The following SLC2A5 variants were observed in gnomAD, a reference collection of about 807,000 sequenced individuals.
SLC2A5 encodes solute carrier family 2 member 5, also known as solute carrier family 2, facilitated glucose transporter member 5.
In SLC2A5, 56 loss-of-function variants were observed where a neutral mutation model predicts 50.3. The observed-to-expected ratio is 1.11, with a 90% CI of 0.90 to 1.39. SLC2A5 has a LOEUF of 1.39. SLC2A5 is among the 40% of genes most tolerant of loss of function. The pLI is 0.00. For missense variants in SLC2A5, 566 were observed against 650.1 expected (o/e 0.87, Z 1.41); for synonymous variants, 269 against 281.9 (o/e 0.95, Z 0.46).
intron 2 of SLC2A5, chr1:9,082,927 A>G: frequency 4.5e-6 from 1 of 223,590 alleles, no homozygotes; most frequent in South Asian, 4.6e-5. Context: ...GGCTGGGGGC[A>G]GGGGGAATGA....
At position 9,037,240 on chromosome 1, in the gene SLC2A5, G is replaced by A; in HGVS notation, c.*346C>T. On this transcript the variant is annotated 3_prime_UTR_variant, in exon 12 of 12. Transcript: ENST00000377424. ...TGATTCCTTCCATCTCACCACTATA[G>A]TAACTGTTGTTGTTATGTTACCAGG... 1 of 291,650 alleles carries A rather than the reference G, an allele frequency of 3.4e-6. No individual in the cohort carries two copies. 18.1% of individuals were successfully genotyped at this position (291,650 alleles called of 1,614,324 possible).
At chr1:9,051,469 C>T (rs1279940017) in intron 3 of SLC2A5, among the ~76,000 whole-genome samples, 2 of 152,066 alleles carry the variant, frequency 1.3e-5, no homozygotes, top group Non-Finnish European at 2.9e-5. Context: ...AAACAAACAA[C>T]CCAATTTAAA....
intron 3 of SLC2A5, chr1:9,049,260 T>G (rs1641511713): frequency 2.2e-6 from 1 of 451,052 alleles, no homozygotes; most frequent in Non-Finnish European, 4.5e-6. Flanking sequence ...CCGCTTATAC[T>G]AACAGCACAC....
At chr1:9,055,692 G>T (rs1486889647) in intron 3 of SLC2A5, among the ~76,000 whole-genome samples, 1 of 151,756 alleles carries the variant, frequency 6.6e-6, no homozygotes, top group Non-Finnish European at 1.5e-5. Context: ...GAGGTGGGTG[G>T]ATCACTTGAC....
rs1641158965 is a variant in SLC2A5 at position 9,037,369 on chromosome 1, T to C, written c.*217A>G. ...ACCAGCTGTTTAATTGACTCGGGTC[T>C]GGTGACAGGCCAACATGGAGAGAGA... On this transcript the variant is annotated 3_prime_UTR_variant, in exon 12 of 12. Transcript: ENST00000377424. 2 of 546,160 alleles carry C rather than the reference T, an allele frequency of 3.7e-6. No individual in the cohort carries two copies. 33.8% of individuals were successfully genotyped at this position (546,160 alleles called of 1,614,324 possible).
intron 5 of SLC2A5, chr1:9,041,373 A>C (rs1215542746): frequency 1.1e-6 from 1 of 893,566 alleles, no homozygotes; most frequent in Non-Finnish European, 1.5e-6. Flanking sequence ...TCTGGTCTGC[A>C]AAATGGGATA....
chr1:9,091,529 G>A (rs993815160), upstream of SLC2A5, among the ~76,000 whole-genome samples: 14 of 152,030 alleles, frequency 9.2e-5, no homozygotes, highest in African/African-American at 3.4e-4. Context: ...GCCATAAGGT[G>A]CTCATCTCCA....
chr1:9,068,513 G>A (rs1034916471), intron 1 of SLC2A5, among the ~76,000 whole-genome samples: 9 of 148,604 alleles, frequency 6.1e-5, no homozygotes, highest in East Asian at 4.0e-4. Flanking sequence ...GTGCAATGGC[G>A]TGATCTCAGC....
upstream of SLC2A5, among the ~76,000 whole-genome samples, chr1:9,091,238 A>G (rs1001810480): frequency 6.6e-6 from 1 of 152,186 alleles, no homozygotes; most frequent in Non-Finnish European, 1.5e-5. Flanking sequence ...CACCTAAAAC[A>G]TGCCTTATTA....
intron 1 of SLC2A5, among the ~76,000 whole-genome samples, chr1:9,059,114 T>C (rs1028129636): frequency 4.6e-5 from 7 of 150,612 alleles, no homozygotes; most frequent in African/African-American, 1.7e-4. Flanking sequence ...CCATCTACTC[T>C]GATGGACAGC....
chr1:9,080,187 A>G (rs1227345204), intron 2 of SLC2A5, among the ~76,000 whole-genome samples: 2 of 152,208 alleles, frequency 1.3e-5, no homozygotes, highest in African/African-American at 2.4e-5. Flanking sequence ...CACACACCAC[A>G]TCTGGTTTAC....
intron 3 of SLC2A5, among the ~76,000 whole-genome samples, chr1:9,053,024 G>A (rs752319159): frequency 2.6e-5 from 3 of 117,170 alleles, no homozygotes; most frequent in Non-Finnish European, 5.0e-5. Context: ...TATTTTTTGA[G>A]ATAGGGTCTT....
intron 10 of SLC2A5, 42 bp from the exon 11 acceptor site, chr1:9,038,066 C>A (rs759047662): frequency 6.2e-7 from 1 of 1,605,958 alleles, no homozygotes; most frequent in Non-Finnish European, 8.5e-7. Flanking sequence ...GCAGAGCGGG[C>A]CCGAGCATCC....
At chr1:9,049,279 A>C (rs961625868) in intron 3 of SLC2A5, 1 of 440,252 alleles carries the variant, frequency 2.3e-6, no homozygotes, top group Admixed American at 2.6e-5. Flanking sequence ...ACCTTCAGAC[A>C]ACAGAATCAG....
chr1:9,056,184 TTTTG>T (rs926318677), intron 3 of SLC2A5, among the ~76,000 whole-genome samples: 8 of 152,014 alleles, frequency 5.3e-5, no homozygotes, highest in Non-Finnish European at 1.0e-4. Context: ...CAGCGGTGTT[TTTTG>T]TTTGTTTGTT....
chr1:9,039,641 TC>T lies in SLC2A5; in HGVS notation c.906del (p.Ile303SerfsTer3). 2 of 1,557,722 alleles carry T rather than the reference TC, an allele frequency of 1.3e-6. No individual in the cohort carries two copies. The highest frequency in any genetic ancestry group is 1.7e-6 in the Non-Finnish European group (2 of 1,151,738). ...GVNAIYYYAD[Q>X]IYLSAGVPEE... ...TCCGGCACGCCGGCGCTCAGGTAGATCTGGTCCGCGTAGTAGTAGATCTGCA... is the reference window on the plus strand; with the variant it reads ...TCCGGCACGCCGGCGCTCAGGTAGATTGGTCCGCGTAGTAGTAGATCTGCA... On this transcript the variant is annotated frameshift_variant, in exon 8 of 12. Coordinates refer to ENST00000377424, the MANE Select transcript of SLC2A5 (RefSeq NM_003039.3). LOFTEE classifies it high-confidence loss of function.
chr1:9,058,500 C>T (rs1302566142), intron 1 of SLC2A5, among the ~76,000 whole-genome samples: 2 of 152,182 alleles, frequency 1.3e-5, no homozygotes, highest in Non-Finnish European at 2.9e-5. Context: ...TTTACAGCAT[C>T]CTGTGAACAT....
At chr1:9,046,246 C>G (rs1641431469) in intron 4 of SLC2A5, among the ~76,000 whole-genome samples, 1 of 152,122 alleles carries the variant, frequency 6.6e-6, no homozygotes, top group Non-Finnish European at 1.5e-5. Context: ...TGCCTCTCCC[C>G]ACCTGGCAGT....
chr1:9,080,857 G>T (rs1411403260), intron 2 of SLC2A5, among the ~76,000 whole-genome samples: 1 of 152,214 alleles, frequency 6.6e-6, no homozygotes, highest in Non-Finnish European at 1.5e-5. Flanking sequence ...TGGGGCGATA[G>T]GTGTGAGTCA....
Sources: allele counts gnomAD v4.1 joint callset (sites outside exome capture counted in the v4.1 genomes callset), GRCh38; gene constraint gnomAD v4.1.1; transcripts MANE v1.5; gene names NCBI Gene and HGNC (gene_info 2026-07-23, HGNC 2026-07-21).